Variants in GABRA2 observed in about 807,000 individuals in gnomAD.
The protein encoded by GABRA2 is gamma-aminobutyric acid receptor subunit alpha-2.
A neutral mutation model predicts 48.7 loss-of-function variants in GABRA2; 16 were observed. That is an observed-to-expected ratio of 0.33 (90% CI 0.22 to 0.50). GABRA2 has a LOEUF of 0.50. GABRA2 is among the 20% of genes least tolerant of loss of function. The probability of loss-of-function intolerance (pLI) is 0.98; values close to 1 mark genes in which losing one functional copy is unlikely to be tolerated. For synonymous variants in GABRA2, 185 were observed against 184.5 expected (o/e 1.00, Z -0.02); for missense variants, 275 against 535.6 (o/e 0.51, Z 4.80).
At chr4:46,297,530 A>G (rs1724981890) in intron 8 of GABRA2, among the ~76,000 whole-genome samples, 2 of 110,194 alleles carry the variant, frequency 1.8e-5, no homozygotes, top group Admixed American at 1.9e-4. Context: ...GAACTGATAT[A>G]TACACTCTAG....
At chr4:46,294,842 A>G (rs1374278699) in intron 8 of GABRA2, among the ~76,000 whole-genome samples, 2 of 152,188 alleles carry the variant, frequency 1.3e-5, no homozygotes, top group East Asian at 3.8e-4. Flanking sequence ...AACCTGAACT[A>G]TAATGAACCG....
At chr4:46,279,561 CAG>C (rs970859131) in intron 8 of GABRA2, among the ~76,000 whole-genome samples, 11 of 151,820 alleles carry the variant, frequency 7.2e-5, no homozygotes, top group African/African-American at 1.7e-4. Flanking sequence ...TTATATTAAA[CAG>C]AGTCATATTG....
At chr4:46,273,181 T>C (rs1719679826) in intron 8 of GABRA2, among the ~76,000 whole-genome samples, 1 of 151,904 alleles carries the variant, frequency 6.6e-6, no homozygotes, top group Admixed American at 6.6e-5. Context: ...TTTAAGATTG[T>C]CTCTGTCTTT....
At chr4:46,287,670 C>T (rs934170546) in intron 8 of GABRA2, among the ~76,000 whole-genome samples, 2 of 148,858 alleles carry the variant, frequency 1.3e-5, no homozygotes, top group Non-Finnish European at 3.0e-5. Context: ...GGGAGATATA[C>T]CTAATGATAG....
chr4:46,282,550 A>G (rs572928649), intron 8 of GABRA2, among the ~76,000 whole-genome samples: 1 of 152,314 alleles, frequency 6.6e-6, no homozygotes, highest in Non-Finnish European at 1.5e-5. Context: ...CAGAATGACA[A>G]AGATTCTGAA....
At chr4:46,251,811 C>A (rs1179722551) in intron 9 of GABRA2, among the ~76,000 whole-genome samples, 1 of 151,448 alleles carries the variant, frequency 6.6e-6, no homozygotes, top group Non-Finnish European at 1.5e-5. Context: ...CTGTCTTGTT[C>A]ACCTTTGTAA....
intron 4 of GABRA2, among the ~76,000 whole-genome samples, chr4:46,327,613 G>C (rs1487716106): frequency 6.6e-6 from 1 of 151,998 alleles, no homozygotes; most frequent in Non-Finnish European, 1.5e-5. Context: ...ATTAAGTTCA[G>C]TGTCAATTTT....
intron 3 of GABRA2, among the ~76,000 whole-genome samples, chr4:46,332,897 T>C (rs1483560811): frequency 6.6e-6 from 1 of 152,146 alleles, no homozygotes; most frequent in Admixed American, 6.6e-5. Flanking sequence ...AGAAGTATTA[T>C]GACATTCTTA....
intron 8 of GABRA2, among the ~76,000 whole-genome samples, chr4:46,274,662 C>T (rs1241321224): frequency 6.6e-6 from 1 of 152,078 alleles, no homozygotes; most frequent in Non-Finnish European, 1.5e-5. Flanking sequence ...GCATACGTGC[C>T]TTAAATACAG....
At chr4:46,363,298 C>T (rs1017569754) in intron 3 of GABRA2, among the ~76,000 whole-genome samples, 9 of 152,134 alleles carry the variant, frequency 5.9e-5, no homozygotes, top group Non-Finnish European at 7.4e-5. Flanking sequence ...TAAGCATTAA[C>T]GGATAGAACT....
At position 46,389,836 on chromosome 4, in the gene GABRA2, A is replaced by AGAGAGAGAGAGAGAGG. The variant is rs1718004783; in HGVS notation, c.-113_-112insCCTCTCTCTCTCTCTC. 1 of 972,614 alleles carries AGAGAGAGAGAGAGAGG rather than the reference A, an allele frequency of 1.0e-6. No individual in the cohort carries two copies. The highest frequency in any genetic ancestry group is 1.2e-6 in the Non-Finnish European group (1 of 824,808). The allele number at this position is 972,614 out of a possible 1,614,324, so 60.2% of individuals were successfully genotyped here. ...GAGAGAGAGAGAGAGAGAGAGAGAG[A>AGAGAGAGAGAGAGAGG]GAGAGAGAGAGAGAGAGAGAGAGAG... On this transcript the variant is annotated 5_prime_UTR_variant, in exon 1 of 10. Transcript: ENST00000381620.
At chr4:46,319,939 G>A (rs11939193) in intron 4 of GABRA2, among the ~76,000 whole-genome samples, 7,722 of 151,454 alleles carry the variant, frequency 0.051, 671 homozygotes, top group African/African-American at 0.18. Context: ...AATTTCACAA[G>A]TGGAAAATAC....
chr4:46,326,801 T>C (rs1234869358), intron 4 of GABRA2, among the ~76,000 whole-genome samples: 1 of 151,848 alleles, frequency 6.6e-6, no homozygotes, highest in African/African-American at 2.4e-5. Context: ...TACCTAGACA[T>C]CTCCAATTAA....
chr4:46,303,536 A>T lies in GABRA2; in HGVS notation c.780T>A (p.Pro260=). 6.2e-7 allele frequency: 1 copy of T among 1,614,080 alleles called. No homozygotes were observed. Among genetic ancestry groups the T allele is most frequent in the Non-Finnish European group, 8.5e-7 (1 of 1,179,922 alleles). ...GGGAGAGAATGACAGTCATGATGCA[A>T]GGCAGATAGGTTTGAATCACAAAAT... ...IGYFVIQTYL[P]CIMTVILSQV... is the part of the protein sequence containing the mutation. The change falls in exon 8 of 10, where the codon CCT becomes CCA. Residue 260 remains proline, a synonymous_variant. Coordinates refer to ENST00000381620, the MANE Select transcript of GABRA2 (RefSeq NM_000807.4).
intron 8 of GABRA2, among the ~76,000 whole-genome samples, chr4:46,266,718 CTTTTT>C (rs35380341): frequency 1.2e-3 from 116 of 92,834 alleles, no homozygotes; most frequent in South Asian, 2.4e-3. Context: ...CAAATATTCT[CTTTTT>C]TTTTTTTTTT....
chr4:46,384,247 G>T (rs1717148630), intron 3 of GABRA2, among the ~76,000 whole-genome samples: 1 of 152,116 alleles, frequency 6.6e-6, no homozygotes, highest in African/African-American at 2.4e-5. Flanking sequence ...AGAGAAGAGA[G>T]TGACATATGA....
chr4:46,294,666 C>T (rs1385745516), intron 8 of GABRA2, among the ~76,000 whole-genome samples: 1 of 152,172 alleles, frequency 6.6e-6, no homozygotes, highest in Non-Finnish European at 1.5e-5. Context: ...GAGCCTCTGG[C>T]AGACCCCCAT....
At chr4:46,334,893 C>T (rs182241572) in intron 3 of GABRA2, among the ~76,000 whole-genome samples, 38 of 152,284 alleles carry the variant, frequency 2.5e-4, no homozygotes, top group African/African-American at 9.1e-4. Context: ...AAGCCAAACA[C>T]TGACGATGAA....
intron 8 of GABRA2, among the ~76,000 whole-genome samples, chr4:46,287,642 G>A (rs1366054950): frequency 8.9e-6 from 1 of 112,178 alleles, no homozygotes; most frequent in Admixed American, 1.1e-4. Context: ...GGTGGGGGGA[G>A]GGGGGAGGGA....
Sources: gnomAD v4.1 joint callset for allele counts (sites outside exome capture counted in the v4.1 genomes callset) on GRCh38, gnomAD v4.1.1 for gene constraint, MANE v1.5 for transcripts, NCBI Gene and HGNC (gene_info 2026-07-23, HGNC 2026-07-21) for gene names.